Variants in GLCE observed in about 807,000 individuals in gnomAD.
The protein encoded by GLCE is glucuronic acid epimerase.
In GLCE, 19 loss-of-function variants were observed where a neutral mutation model predicts 47.9. The ratio of observed to expected loss-of-function variants is 0.40; its 90% CI spans 0.28 to 0.58. GLCE has a LOEUF of 0.58. Among genes scored for constraint, GLCE ranks in the 20% least tolerant of loss-of-function variants. The pLI, the probability that GLCE is intolerant of heterozygous loss-of-function variation, is 0.48. For missense variants in GLCE, 556 were observed against 743.3 expected (o/e 0.75, Z 2.93); for synonymous variants, 245 against 263.4 (o/e 0.93, Z 0.68).
chr15:69,243,941 A>G (rs1312070144), intron 2 of GLCE, among the ~76,000 whole-genome samples: 1 of 152,132 alleles, frequency 6.6e-6, no homozygotes, highest in Non-Finnish European at 1.5e-5. Context: ...TGCCCAGCCC[A>G]AAAAATAGCT....
In GLCE at chr15:69,213,400, C is replaced by G. The variant is rs187524151; in HGVS notation, c.-14+2994C>G. 6.6e-5 allele frequency among the ~76,000 whole-genome samples: 10 copies of G among 152,182 alleles called. No homozygotes were observed. The East Asian group carries it at 1.9e-3, about 29-fold the overall frequency. ...CATGATTTTCACACTTTGAAAGACT[C>G]CTGGTCAGGTATTTTTGTAGAATGT... On this transcript the variant is annotated intron_variant, in intron 2 of 4. Transcript: ENST00000261858.
At chr15:69,207,935 G>T (rs1463771645) in intron 1 of GLCE, among the ~76,000 whole-genome samples, 2 of 151,832 alleles carry the variant, frequency 1.3e-5, no homozygotes, top group African/African-American at 4.8e-5. Context: ...TTGTTTGTTT[G>T]TTTGTTTGTT....
intron 1 of GLCE, among the ~76,000 whole-genome samples, chr15:69,200,859 G>A (rs1394722519): frequency 1.3e-5 from 2 of 152,098 alleles, no homozygotes; most frequent in African/African-American, 4.8e-5. Flanking sequence ...TTTCAGCATG[G>A]CCATGTTCCT....
Position 69,268,126 on chromosome 15 carries a change from C to T in GLCE, c.830-94C>T, listed in dbSNP as rs1470540760. On this transcript the variant is annotated intron_variant, in intron 4 of 4. Transcript: ENST00000261858. Reference sequence around the variant, plus strand: ...AAAATATGTAAGTGTTAATTTTGTGCGGTCAGGGTTTTCAAGGATGAATTG... The same window carrying T: ...AAAATATGTAAGTGTTAATTTTGTGTGGTCAGGGTTTTCAAGGATGAATTG... 6.2e-5 allele frequency: 43 copies of T among 694,156 alleles called. No homozygotes were observed. In the South Asian group the frequency reaches 6.8e-4, roughly 11 times the overall value. 43.0% of individuals were successfully genotyped at this position (694,156 alleles called of 1,614,324 possible). A position where few individuals can be genotyped will look rare whatever the true frequency, so the allele number is the denominator to read the frequency against.
At chr15:69,268,091 T>C (rs781196504) in intron 4 of GLCE, 129 bp from the exon 5 acceptor site, 1 of 597,366 alleles carries the variant, frequency 1.7e-6, no homozygotes, top group South Asian at 2.3e-5. Context: ...TTACAAATGA[T>C]CTGATACTAA....
chr15:69,215,539 G>GGTGTGTGTGTGTGTGT (rs57115250), intron 2 of GLCE, among the ~76,000 whole-genome samples: 3 of 148,914 alleles, frequency 2.0e-5, no homozygotes, highest in Admixed American at 6.7e-5. Flanking sequence ...TTACATAAAG[G>GGTGTGTGTGTGTGTGT]GTGTGTGTGT....
intron 2 of GLCE, 53 bp from the exon 3 acceptor site, chr15:69,255,741 T>C: frequency 9.8e-7 from 1 of 1,015,938 alleles, no homozygotes; most frequent in South Asian, 1.6e-5. Context: ...CTTTATCCTA[T>C]GAAATGCCGG....
chr15:69,187,796 C>G (rs577388263), intron 1 of GLCE, among the ~76,000 whole-genome samples: 2 of 152,272 alleles, frequency 1.3e-5, no homozygotes, highest in Admixed American at 6.5e-5. Flanking sequence ...GCCATGGTGG[C>G]TCACCTGTGC....
chr15:69,252,927 G>A (rs903631753), intron 2 of GLCE, among the ~76,000 whole-genome samples: 1 of 151,800 alleles, frequency 6.6e-6, no homozygotes, highest in Non-Finnish European at 1.5e-5. Context: ...TCAGTTAATA[G>A]GGTTAAAAAT....
chr15:69,187,860 C>T (rs1319510961), intron 1 of GLCE, among the ~76,000 whole-genome samples: 3 of 151,970 alleles, frequency 2.0e-5, no homozygotes, highest in Admixed American at 1.3e-4. Flanking sequence ...GTCAGGAGTT[C>T]GAGACCAGCT....
At chr15:69,207,495 C>T (rs566861331) in intron 1 of GLCE, among the ~76,000 whole-genome samples, 3 of 152,000 alleles carry the variant, frequency 2.0e-5, no homozygotes, top group African/African-American at 4.8e-5. Context: ...TGAATGCAAT[C>T]GTATAATATA....
chr15:69,217,826 G>A (rs966696387), intron 2 of GLCE, among the ~76,000 whole-genome samples: 2 of 152,068 alleles, frequency 1.3e-5, no homozygotes, highest in African/African-American at 2.4e-5. Context: ...CAAAGGAGGC[G>A]TGATTACACA....
chr15:69,262,201 A>G (rs1475808201), intron 4 of GLCE, among the ~76,000 whole-genome samples: 1 of 152,224 alleles, frequency 6.6e-6, no homozygotes, highest in Non-Finnish European at 1.5e-5. Flanking sequence ...TACTCATTCT[A>G]GATAGCCTTA....
At chr15:69,201,030 A>C (rs942236194) in intron 1 of GLCE, among the ~76,000 whole-genome samples, 1 of 152,104 alleles carries the variant, frequency 6.6e-6, no homozygotes, top group South Asian at 2.1e-4. Context: ...CTTCAAAGCC[A>C]GTAACAAAGG....
intron 2 of GLCE, among the ~76,000 whole-genome samples, chr15:69,226,732 CCTT>C (rs1196271216): frequency 4.8e-5 from 5 of 103,674 alleles, no homozygotes; most frequent in African/African-American, 1.9e-4. Flanking sequence ...TGCTTGCTTG[CCTT>C]TTTTTTTTTT....
At chr15:69,192,585 G>GTCT (rs1014388829) in intron 1 of GLCE, among the ~76,000 whole-genome samples, 2 of 151,836 alleles carry the variant, frequency 1.3e-5, no homozygotes, top group Non-Finnish European at 2.9e-5. Context: ...TTCTTGATAG[G>GTCT]TCTAATAGTT....
At chr15:69,162,531 C>T (rs759581742) in intron 1 of GLCE, among the ~76,000 whole-genome samples, 39 of 151,424 alleles carry the variant, frequency 2.6e-4, no homozygotes, top group Non-Finnish European at 1.5e-5. Flanking sequence ...TCTTTTTCTT[C>T]GTGTCAGTTT....
chr15:69,162,759 CAATT>C (rs1471330985), intron 1 of GLCE, among the ~76,000 whole-genome samples: 2 of 151,970 alleles, frequency 1.3e-5, no homozygotes, highest in East Asian at 3.9e-4. Context: ...TTTATTTATT[CAATT>C]AATTAAAGAC....
intron 1 of GLCE, among the ~76,000 whole-genome samples, chr15:69,163,539 G>A (rs949789358): frequency 2.0e-5 from 3 of 152,142 alleles, no homozygotes; most frequent in African/African-American, 7.2e-5. Flanking sequence ...AATTAGTAAA[G>A]AAAGATTAAA....
Sources: allele counts gnomAD v4.1 joint callset (sites outside exome capture counted in the v4.1 genomes callset), GRCh38; gene constraint gnomAD v4.1.1; transcripts MANE v1.5; gene names NCBI Gene and HGNC (gene_info 2026-07-23, HGNC 2026-07-21).